RBFOX3: variants seen among roughly 807,000 people sequenced by gnomAD.
The protein encoded by RBFOX3 is RNA binding fox-1 homolog 3, also known as RNA binding protein fox-1 homolog 3.
RBFOX3 carries 17 observed loss-of-function variants against 48.7 expected under a neutral mutation model. The observed-to-expected ratio is 0.35, with a 90% CI of 0.24 to 0.52. The LOEUF (loss-of-function observed/expected upper bound fraction) is 0.52, where lower values mean the gene tolerates loss of function less well. RBFOX3 is among the 20% of genes least tolerant of loss of function. The pLI, the probability that RBFOX3 is intolerant of heterozygous loss-of-function variation, is 0.94. For missense variants in RBFOX3, 382 were observed against 497.5 expected (o/e 0.77, Z 2.21); for synonymous variants, 212 against 209.5 (o/e 1.01, Z -0.10).
intron 4 of RBFOX3, among the ~76,000 whole-genome samples, chr17:79,168,857 C>T (rs956882124): frequency 6.8e-6 from 1 of 147,958 alleles, no homozygotes; most frequent in African/African-American, 2.6e-5. Flanking sequence ...TCGCCTGGCC[C>T]TGGGTCATGA....
Position 79,371,350 on chromosome 17 carries a change from G to A in RBFOX3, c.-174-63526C>T, listed in dbSNP as rs1253992790. 2.6e-5 allele frequency among the ~76,000 whole-genome samples: 4 copies of A among 152,332 alleles called. 1 individual carries two copies. Among genetic ancestry groups the A allele is most frequent in the Admixed American group, 2.6e-4 (4 of 15,304 alleles). Reference sequence around the variant, plus strand: ...GAACAAATGAGGAAGCTTTGCCCGTGGCCAGATTCCAGAGGAGCCCAGGGC... The same window carrying A: ...GAACAAATGAGGAAGCTTTGCCCGTAGCCAGATTCCAGAGGAGCCCAGGGC... On this transcript the variant is annotated intron_variant, in intron 2 of 14. Coordinates refer to ENST00000693108, the MANE Select transcript of RBFOX3 (RefSeq NM_001350451.2).
chr17:79,258,272 C>A (rs1388407504), intron 3 of RBFOX3, among the ~76,000 whole-genome samples: 1 of 152,172 alleles, frequency 6.6e-6, no homozygotes, highest in Non-Finnish European at 1.5e-5. Flanking sequence ...AGTCGCAGCA[C>A]CAGACAGCAG....
chr17:79,335,142 G>A (rs140589854), intron 2 of RBFOX3, among the ~76,000 whole-genome samples: 45 of 145,108 alleles, frequency 3.1e-4, no homozygotes, highest in Middle Eastern at 7.0e-3. Context: ...CTGTGTAGAC[G>A]AGGCTGCCAG....
At chr17:79,489,769 C>T (rs1224357608) in intron 1 of RBFOX3, among the ~76,000 whole-genome samples, 1 of 152,130 alleles carries the variant, frequency 6.6e-6, no homozygotes, top group East Asian at 1.9e-4. Flanking sequence ...TCCCTGGGTG[C>T]CAGTGGTTCT....
rs987170267 is a variant in RBFOX3, at chr17:79,199,016, A to G, written c.-34+36750T>C. 5.9e-5 allele frequency among the ~76,000 whole-genome samples: 9 copies of G among 152,188 alleles called. No individual in the cohort carries two copies. Among genetic ancestry groups the G allele is most frequent in the Admixed American group, 5.9e-4 (9 of 15,272 alleles). On this transcript the variant is annotated intron_variant, in intron 4 of 14. Coordinates refer to ENST00000693108, the MANE Select transcript of RBFOX3 (RefSeq NM_001350451.2). This position sits in a 1 kb window ranked among gnomAD's most constrained non-coding sequence, Gnocchi z 5.1. ...AAAGATGCTGAGTTTGTGAGGCTGA[A>G]CATTGCCTGTAACTCAGTTGTGAGG...
intron 2 of RBFOX3, among the ~76,000 whole-genome samples, chr17:79,380,030 T>A (rs1212616557): frequency 6.6e-6 from 1 of 151,964 alleles, no homozygotes; most frequent in Non-Finnish European, 1.5e-5. Context: ...CCTCCATCCC[T>A]CTTTGAGTCC....
At chr17:79,260,987 C>T (rs1187398800) in intron 3 of RBFOX3, among the ~76,000 whole-genome samples, 1 of 151,884 alleles carries the variant, frequency 6.6e-6, no homozygotes, top group Non-Finnish European at 1.5e-5. Flanking sequence ...CCATGTGTTT[C>T]CCTCCCTCCC....
intron 2 of RBFOX3, among the ~76,000 whole-genome samples, chr17:79,350,683 G>A (rs909622134): frequency 2.6e-5 from 4 of 152,162 alleles, no homozygotes; most frequent in South Asian, 2.1e-4. Context: ...CATGCCAGCC[G>A]GTGTGTCCCT....
At chr17:79,207,720 G>A (rs2057707871) in intron 4 of RBFOX3, among the ~76,000 whole-genome samples, 1 of 152,134 alleles carries the variant, frequency 6.6e-6, no homozygotes, top group Non-Finnish European at 1.5e-5. Flanking sequence ...TGCCCTCTGG[G>A]GAGGACTGGC....
rs187947331 is a variant in RBFOX3 at position 79,322,952 on chromosome 17, G to C, written c.-174-15128C>G. ...GGATTGCTGGCACTGCATGTGGCCA[G>C]CTGGCCCTGAGCTCACTTGTCACAA... On this transcript the variant is annotated intron_variant, in intron 2 of 14. Transcript: ENST00000693108. Among the ~76,000 whole-genome samples the C allele has an allele frequency of 3.7e-3, 566 of 152,334 alleles. 6 individuals are homozygous for C. Among genetic ancestry groups the C allele is most frequent in the African/African-American group, 0.012 (518 of 41,586 alleles).
chr17:79,494,771 G>A (rs2081193334), intron 1 of RBFOX3, among the ~76,000 whole-genome samples: 1 of 152,192 alleles, frequency 6.6e-6, no homozygotes, highest in African/African-American at 2.4e-5. Context: ...GTCAAGGACT[G>A]AACCCAACCC....
Position 79,289,604 on chromosome 17 carries a change from T to G in RBFOX3, c.-74+18120A>C, listed in dbSNP as rs141703563. Among the ~76,000 whole-genome samples the G allele has an allele frequency of 3.8e-3, 575 of 152,366 alleles. 3 individuals carry two copies. Among genetic ancestry groups the G allele is most frequent in the African/African-American group, 0.013 (542 of 41,588 alleles). Reference sequence around the variant, plus strand: ...TGCTTTTTCCAGACACGATGTTAACTCTCTGGTCCTACTTCCTGGCTCAGG... The same window carrying G: ...TGCTTTTTCCAGACACGATGTTAACGCTCTGGTCCTACTTCCTGGCTCAGG... On this transcript the variant is annotated intron_variant, in intron 3 of 14. Transcript: ENST00000693108.
chr17:79,165,218 T>C (rs561687420), intron 4 of RBFOX3, among the ~76,000 whole-genome samples: 2 of 152,208 alleles, frequency 1.3e-5, no homozygotes, highest in Admixed American at 1.3e-4. Context: ...CGGTGAGCCA[T>C]TCAAATATTT....
intron 3 of RBFOX3, among the ~76,000 whole-genome samples, chr17:79,283,413 C>T (rs1463418339): frequency 1.3e-5 from 2 of 151,930 alleles, no homozygotes; most frequent in African/African-American, 4.8e-5. Context: ...GGACTATAGG[C>T]ATGTGCCACC....
At chr17:79,301,815 GC>G (rs1167134537) in intron 3 of RBFOX3, among the ~76,000 whole-genome samples, 3 of 152,212 alleles carry the variant, frequency 2.0e-5, no homozygotes, top group Admixed American at 2.0e-4. Flanking sequence ...ATGTGAATGA[GC>G]CCCGAAGATC....
intron 3 of RBFOX3, among the ~76,000 whole-genome samples, chr17:79,303,366 T>C (rs984230145): frequency 6.6e-6 from 1 of 152,108 alleles, no homozygotes; most frequent in Admixed American, 6.6e-5. Context: ...GACAGCATCG[T>C]CTGAGTGGTC....
At position 79,137,378 on chromosome 17, in the gene RBFOX3, C is replaced by A. The variant is rs374146409; in HGVS notation, c.-33-21630G>T. 3.9e-5 allele frequency among the ~76,000 whole-genome samples: 6 copies of A among 152,324 alleles called. No homozygotes were observed. The East Asian group carries it at 1.2e-3, about 29-fold the overall frequency. On this transcript the variant is annotated intron_variant, in intron 4 of 14. Coordinates refer to ENST00000693108, the MANE Select transcript of RBFOX3 (RefSeq NM_001350451.2). Reference sequence around the variant, plus strand: ...ACAGGAGCACCCTCCAACCCCCAGGCCATTGTGAAATTATCAAATATCCTC... The same window carrying A: ...ACAGGAGCACCCTCCAACCCCCAGGACATTGTGAAATTATCAAATATCCTC...
At chr17:79,429,571 G>C (rs1380923306) in intron 2 of RBFOX3, among the ~76,000 whole-genome samples, 1 of 152,094 alleles carries the variant, frequency 6.6e-6, no homozygotes, top group Non-Finnish European at 1.5e-5. Context: ...CCAGCTGCCT[G>C]CAGCTGCCGA....
rs144970523 is a variant in RBFOX3 at position 79,171,806 on chromosome 17, G to A, written c.-33-56058C>T. Among the ~76,000 whole-genome samples, 1,001 of 151,882 alleles carry A rather than the reference G, an allele frequency of 6.6e-3. 9 individuals carry two copies. Among genetic ancestry groups the A allele is most frequent in the African/African-American group, 0.023 (947 of 41,328 alleles). Reference sequence around the variant, plus strand: ...CAACCTCCCAAAGTGCTGGGATGACGGGTGTGAGCCACCACACCCAGCTGT... The same window carrying A: ...CAACCTCCCAAAGTGCTGGGATGACAGGTGTGAGCCACCACACCCAGCTGT... On this transcript the variant is annotated intron_variant, in intron 4 of 14. Transcript: ENST00000693108.
Sources: allele counts gnomAD v4.1 joint callset (sites outside exome capture counted in the v4.1 genomes callset), GRCh38; gene constraint gnomAD v4.1.1; non-coding constraint Gnocchi (gnomAD v3.1); transcripts MANE v1.5; gene names NCBI Gene and HGNC (gene_info 2026-07-23, HGNC 2026-07-21).